ANKRD33B: variants seen among roughly 807,000 people sequenced by gnomAD.
ANKRD33B encodes the protein ankyrin repeat domain 33B, also known as ankyrin repeat domain-containing protein 33B.
In ANKRD33B, 6 loss-of-function variants were observed where a neutral mutation model predicts 21.5. The ratio of observed to expected loss-of-function variants is 0.28; its 90% CI spans 0.15 to 0.55. ANKRD33B has a LOEUF of 0.55. Ranked by LOEUF, ANKRD33B falls within the 20% of genes least tolerant of loss-of-function variation. ANKRD33B has a pLI of 0.94. For missense variants in ANKRD33B, 698 were observed against 747.2 expected (o/e 0.93, Z 0.77); for synonymous variants, 347 against 342.4 (o/e 1.01, Z -0.15).
At chr5:10,592,520 G>A (rs1204877520) in intron 1 of ANKRD33B, among the ~76,000 whole-genome samples, 2 of 150,886 alleles carry the variant, frequency 1.3e-5, no homozygotes, top group Non-Finnish European at 2.9e-5. Flanking sequence ...CTACTTGGAA[G>A]GCTGAGCATG....
At chr5:10,633,084 A>G (rs1470115564) in intron 2 of ANKRD33B, among the ~76,000 whole-genome samples, 2 of 145,410 alleles carry the variant, frequency 1.4e-5, no homozygotes, top group Admixed American at 1.4e-4. Flanking sequence ...CACCATGCCC[A>G]GCCAGTTCTC....
At chr5:10,584,488 TG>T (rs1179539684) in intron 1 of ANKRD33B, among the ~76,000 whole-genome samples, 2 of 151,914 alleles carry the variant, frequency 1.3e-5, no homozygotes, top group Non-Finnish European at 2.9e-5. Context: ...GAAGCTGCAG[TG>T]AGCCATGATC....
chr5:10,625,519 C>T (rs1736524926), intron 2 of ANKRD33B, among the ~76,000 whole-genome samples: 1 of 152,124 alleles, frequency 6.6e-6, no homozygotes, highest in Non-Finnish European at 1.5e-5. Context: ...TGTCGGTGTC[C>T]CTGAGCCCTG....
chr5:10,591,876 C>T (rs527849261), intron 1 of ANKRD33B, among the ~76,000 whole-genome samples: 1 of 152,032 alleles, frequency 6.6e-6, no homozygotes, highest in African/African-American at 2.4e-5. Flanking sequence ...TTCAATTTTA[C>T]TTATAATTTT....
At chr5:10,629,079 G>C (rs928942610) in intron 2 of ANKRD33B, among the ~76,000 whole-genome samples, 39 of 152,152 alleles carry the variant, frequency 2.6e-4, no homozygotes, top group African/African-American at 9.4e-4. Context: ...TTGAAGAGTT[G>C]AGACCTCATC....
chr5:10,577,475 C>T (rs986273781), intron 1 of ANKRD33B, among the ~76,000 whole-genome samples: 1 of 152,192 alleles, frequency 6.6e-6, no homozygotes, highest in Non-Finnish European at 1.5e-5. Context: ...GGAGTCGGGG[C>T]CCATCCTGGG....
At chr5:10,643,472 C>T (rs910869320) in intron 3 of ANKRD33B, among the ~76,000 whole-genome samples, 1 of 151,882 alleles carries the variant, frequency 6.6e-6, no homozygotes, top group Admixed American at 6.6e-5. Context: ...AGACATTTTC[C>T]CCTCTGTGTA....
At chr5:10,594,221 C>CT (rs10658307) in intron 1 of ANKRD33B, among the ~76,000 whole-genome samples, 52,920 of 84,270 alleles carry the variant, frequency 0.63, 17,049 homozygotes, top group South Asian at 0.75. Flanking sequence ...ACACATCCTT[C>CT]TTTTTTTTTT....
intron 3 of ANKRD33B, among the ~76,000 whole-genome samples, chr5:10,638,615 T>G (rs1002351372): frequency 7.9e-5 from 12 of 151,956 alleles, no homozygotes; most frequent in African/African-American, 2.9e-4. Flanking sequence ...CGTTAGGAGG[T>G]GATGTGGAGT....
rs138095452 is a variant in ANKRD33B at position 10,626,036 on chromosome 5, C to T, written c.496+7574C>T. On this transcript the variant is annotated intron_variant, in intron 2 of 3. Transcript: ENST00000296657. ...GAAGCTGGAACCCGAGAGGCAGCCT[C>T]GGCCTAGAACCCGAGTGACACAGGC... Among the ~76,000 whole-genome samples the T allele has an allele frequency of 3.6e-4, 55 of 152,248 alleles. 1 individual carries two copies. The highest frequency in any genetic ancestry group is 1.1e-3 in the African/African-American group (47 of 41,546).
intron 1 of ANKRD33B, among the ~76,000 whole-genome samples, chr5:10,591,737 G>T (rs1317616222): frequency 1.3e-5 from 2 of 151,594 alleles, no homozygotes; most frequent in Non-Finnish European, 2.9e-5. Flanking sequence ...CTATTTTTTG[G>T]TTTTTCTACT....
chr5:10,649,849 G>A lies in ANKRD33B; in HGVS notation c.1221G>A (p.Leu407=), dbSNP rs769129561. Residue 407 remains leucine, a synonymous_variant, in exon 4 of 4, where the codon CTG becomes CTA. Transcript: ENST00000296657. ...AAPAPRKASL[L]PLQRLRRRSV... is the part of the protein sequence containing the mutation. The stretch of plus-strand genomic sequence containing the variant: ...CCGCCCCGCGGAAGGCCAGCCTCCT[G>A]CCCCTGCAGCGCCTGCGGCGGAGAA... The A allele has an allele frequency of 1.4e-5, 20 of 1,417,004 alleles. No individual in the cohort carries two copies. In the South Asian group the frequency reaches 2.2e-4, roughly 15 times the overall value. The allele number at this position is 1,417,004 out of a possible 1,614,324, so 87.8% of individuals were successfully genotyped here. A position where few individuals can be genotyped will look rare whatever the true frequency, so the allele number is the denominator to read the frequency against.
chr5:10,607,536 A>G (rs1736072978), intron 1 of ANKRD33B, among the ~76,000 whole-genome samples: 3 of 152,376 alleles, frequency 2.0e-5, no homozygotes, highest in African/African-American at 4.8e-5. Context: ...GAAGAAATAG[A>G]TAACGGAATA....
chr5:10,590,398 T>C (rs578081679), intron 1 of ANKRD33B, among the ~76,000 whole-genome samples: 1 of 152,304 alleles, frequency 6.6e-6, no homozygotes, highest in South Asian at 2.1e-4. Flanking sequence ...TCTGGCCTCT[T>C]TCTGGCCTGT....
At chr5:10,621,717 A>G (rs552147492) in intron 2 of ANKRD33B, among the ~76,000 whole-genome samples, 1 of 152,240 alleles carries the variant, frequency 6.6e-6, no homozygotes, top group East Asian at 1.9e-4. Flanking sequence ...AATAGATGCA[A>G]AACTGGTTAA....
At chr5:10,629,136 T>C (rs1736647004) in intron 2 of ANKRD33B, among the ~76,000 whole-genome samples, 2 of 152,048 alleles carry the variant, frequency 1.3e-5, no homozygotes, top group Admixed American at 1.3e-4. Flanking sequence ...GTGGGGATGG[T>C]CAGAGGCCCC....
chr5:10,621,266 T>C (rs1186915310), intron 2 of ANKRD33B, among the ~76,000 whole-genome samples: 2 of 152,252 alleles, frequency 1.3e-5, no homozygotes, highest in African/African-American at 4.8e-5. Flanking sequence ...AGTTCTTTTT[T>C]TAGTGAGGAA....
rs1735333299 is a variant in ANKRD33B at position 10,576,883 on chromosome 5, G to T, written c.366+12050G>T. Among the ~76,000 whole-genome samples the T allele has an allele frequency of 6.6e-6, 1 of 152,206 alleles. No individual in the cohort carries two copies. Among genetic ancestry groups the T allele is most frequent in the African/African-American group, 2.4e-5 (1 of 41,450 alleles). ...AGAAGAGAGCAGAGGAGGGTGCTGGGGCTTCTGGTGCATCCTGTGGGCACC... is the reference window on the plus strand; with the variant it reads ...AGAAGAGAGCAGAGGAGGGTGCTGGTGCTTCTGGTGCATCCTGTGGGCACC... On this transcript the variant is annotated intron_variant, in intron 1 of 3. Transcript: ENST00000296657. The surrounding 1 kb of genome is among the most constrained non-coding windows in gnomAD (Gnocchi z 4.1).
rs1309569294 is a variant in ANKRD33B, at chr5:10,650,018, AAGG to A, written c.1396_1398del (p.Glu466del). On this transcript the variant is annotated inframe_deletion, in exon 4 of 4. Coordinates refer to ENST00000296657, the MANE Select transcript of ANKRD33B (RefSeq NM_001164440.2). The stretch of plus-strand genomic sequence containing the variant: ...CCCCAAGTGGCGGTACAAGGAGGCC[AAGG>A]AGGAGAAGAGGAAGGCAGAGGAGGC... The A allele has an allele frequency of 7.2e-6, 11 of 1,533,114 alleles. No homozygotes were observed. Among genetic ancestry groups the A allele is most frequent in the Admixed American group, 5.9e-5 (3 of 50,804 alleles). 95.0% of individuals were successfully genotyped at this position (1,533,114 alleles called of 1,614,324 possible). A position where few individuals can be genotyped will look rare whatever the true frequency, so the allele number is the denominator to read the frequency against.
Sources: gnomAD v4.1 joint callset for allele counts (sites outside exome capture counted in the v4.1 genomes callset) on GRCh38, gnomAD v4.1.1 for gene constraint, Gnocchi (gnomAD v3.1) non-coding constraint, MANE v1.5 for transcripts, NCBI Gene and HGNC (gene_info 2026-07-23, HGNC 2026-07-21) for gene names.